SGCZ: variants seen among roughly 807,000 people sequenced by gnomAD.
SGCZ encodes the protein zeta-sarcoglycan.
Under a neutral mutation model 41.3 loss-of-function variants are expected in SGCZ, and 40 were observed. That is an observed-to-expected ratio of 0.97 (90% CI 0.75 to 1.26). The LOEUF is 1.26. Among genes scored for constraint, SGCZ ranks in the 50% most tolerant of loss-of-function variants. SGCZ has a pLI of 0.00. For synonymous variants in SGCZ, 206 were observed against 137.5 expected (o/e 1.50, Z -3.49); for missense variants, 552 against 369.8 (o/e 1.49, Z -4.04).
At chr8:14,596,451 A>G (rs1339135805) in intron 1 of SGCZ, among the ~76,000 whole-genome samples, 1 of 152,238 alleles carries the variant, frequency 6.6e-6, no homozygotes, top group Non-Finnish European at 1.5e-5. Flanking sequence ...GCATTTTGAC[A>G]TACCAGATCT....
At chr8:15,141,799 G>A (rs561576765) in intron 1 of SGCZ, among the ~76,000 whole-genome samples, 1 of 152,196 alleles carries the variant, frequency 6.6e-6, no homozygotes, top group African/African-American at 2.4e-5. Context: ...TACTCAGGAG[G>A]CTGAGGCAGG....
chr8:14,340,101 T>TA (rs1165517831), intron 2 of SGCZ, among the ~76,000 whole-genome samples: 5 of 152,166 alleles, frequency 3.3e-5, no homozygotes, highest in Non-Finnish European at 7.4e-5. Flanking sequence ...TATGGTCAAT[T>TA]ACATTTCCCT....
chr8:14,177,237 T>G (rs1459905844), intron 4 of SGCZ, among the ~76,000 whole-genome samples: 1 of 152,038 alleles, frequency 6.6e-6, no homozygotes, highest in Non-Finnish European at 1.5e-5. Flanking sequence ...AGCTACGATA[T>G]TAACCATAAG....
chr8:14,709,475 G>A (rs1809443742), intron 1 of SGCZ, among the ~76,000 whole-genome samples: 1 of 152,124 alleles, frequency 6.6e-6, no homozygotes, highest in Non-Finnish European at 1.5e-5. Flanking sequence ...GGAAGAAGAG[G>A]AGGAACTAAA....
chr8:14,308,620 A>T (rs1801422309), intron 3 of SGCZ, among the ~76,000 whole-genome samples: 1 of 152,042 alleles, frequency 6.6e-6, no homozygotes, highest in Admixed American at 6.6e-5. Context: ...CGTCTAAAAA[A>T]AATTTATAAA....
intron 1 of SGCZ, among the ~76,000 whole-genome samples, chr8:14,879,451 C>T (rs1159451142): frequency 6.6e-6 from 1 of 151,912 alleles, no homozygotes; most frequent in Non-Finnish European, 1.5e-5. Context: ...ATATAACTAG[C>T]CAAGCTTTTT....
chr8:14,882,321 T>C (rs1385517550), intron 1 of SGCZ, among the ~76,000 whole-genome samples: 1 of 151,762 alleles, frequency 6.6e-6, no homozygotes, highest in Non-Finnish European at 1.5e-5. Flanking sequence ...CTATAAATTA[T>C]ATGCATTTAA....
intron 1 of SGCZ, among the ~76,000 whole-genome samples, chr8:14,983,896 A>G (rs903741860): frequency 6.6e-6 from 1 of 152,160 alleles, no homozygotes; most frequent in African/African-American, 2.4e-5. Context: ...ACTATATACA[A>G]TTATGTTTTA....
chr8:14,578,790 A>C (rs1355243086), intron 1 of SGCZ, among the ~76,000 whole-genome samples: 1 of 152,236 alleles, frequency 6.6e-6, no homozygotes, highest in African/African-American at 2.4e-5. Context: ...ATAAGGGTCT[A>C]GTATAGTCAT....
intron 1 of SGCZ, among the ~76,000 whole-genome samples, chr8:15,011,133 G>C (rs1802812757): frequency 6.6e-6 from 1 of 152,028 alleles, no homozygotes. Flanking sequence ...ATGTCTTCAA[G>C]GCAATAAGGG....
chr8:14,459,982 T>C lies in SGCZ; in HGVS notation c.234+94750A>G, dbSNP rs139787138. 7.8e-3 allele frequency among the ~76,000 whole-genome samples: 1,181 copies of C among 152,064 alleles called. 7 individuals carry two copies. The highest frequency in any genetic ancestry group is 0.018 in the South Asian group (86 of 4,816). ...GACTGAGACACAACTAAACAGAACA[T>C]GGGGTATGGATTTATATCCTGGTGA... On this transcript the variant is annotated intron_variant, in intron 2 of 7. Coordinates refer to ENST00000382080, the MANE Select transcript of SGCZ (RefSeq NM_139167.4).
intron 1 of SGCZ, among the ~76,000 whole-genome samples, chr8:14,634,495 A>G (rs1037972311): frequency 6.6e-6 from 1 of 151,996 alleles, no homozygotes; most frequent in African/African-American, 2.4e-5. Context: ...TATTGCAGAA[A>G]AATACTAAAA....
At chr8:14,210,347 C>T (rs1035778699) in intron 4 of SGCZ, among the ~76,000 whole-genome samples, 1 of 152,020 alleles carries the variant, frequency 6.6e-6, no homozygotes, top group Non-Finnish European at 1.5e-5. Flanking sequence ...GGGTGAGCCA[C>T]CATGCCTGGC....
chr8:14,338,130 G>A (rs1563265756), intron 2 of SGCZ, among the ~76,000 whole-genome samples: 2 of 152,176 alleles, frequency 1.3e-5, no homozygotes, highest in South Asian at 4.1e-4. Flanking sequence ...AGTTTGATCA[G>A]TTTTTGGACC....
chr8:14,717,682 A>G (rs971619049), intron 1 of SGCZ, among the ~76,000 whole-genome samples: 58 of 152,126 alleles, frequency 3.8e-4, no homozygotes, highest in Non-Finnish European at 7.5e-4. Context: ...ATTTTTGAAA[A>G]TAGGGCCTTG....
At chr8:14,171,241 A>G (rs148869990) in intron 4 of SGCZ, among the ~76,000 whole-genome samples, 3 of 148,428 alleles carry the variant, frequency 2.0e-5, no homozygotes, top group Admixed American at 6.8e-5. Context: ...CACATGTATC[A>G]GGGTAGTTTT....
At chr8:14,423,993 G>C (rs778198371) in intron 2 of SGCZ, among the ~76,000 whole-genome samples, 2 of 152,154 alleles carry the variant, frequency 1.3e-5, no homozygotes, top group Non-Finnish European at 2.9e-5. Context: ...AGGAAAGAAA[G>C]TATATGAGTT....
chr8:14,508,331 T>C (rs1336334634), intron 2 of SGCZ, among the ~76,000 whole-genome samples: 1 of 152,056 alleles, frequency 6.6e-6, no homozygotes, highest in Non-Finnish European at 1.5e-5. Context: ...AATGAATGAG[T>C]AAAATAGAAA....
chr8:14,210,893 A>G (rs575986737), intron 4 of SGCZ, among the ~76,000 whole-genome samples: 2 of 152,338 alleles, frequency 1.3e-5, no homozygotes, highest in African/African-American at 4.8e-5. Context: ...AATAATCATA[A>G]CGGCTTTTAC....
Sources: allele counts gnomAD v4.1 joint callset (sites outside exome capture counted in the v4.1 genomes callset), GRCh38; gene constraint gnomAD v4.1.1; transcripts MANE v1.5; gene names NCBI Gene and HGNC (gene_info 2026-07-23, HGNC 2026-07-21).